Variants in VAV2 observed in about 807,000 individuals in gnomAD.
VAV2 encodes guanine nucleotide exchange factor VAV2.
Under a neutral mutation model 132.5 loss-of-function variants are expected in VAV2, and 67 were observed. The ratio of observed to expected loss-of-function variants is 0.51; its 90% CI spans 0.42 to 0.62. VAV2 has a LOEUF of 0.62. VAV2 is among the 20% of genes least tolerant of loss of function. VAV2 has a pLI of 0.00. For missense variants in VAV2, 938 were observed against 1,153.6 expected (o/e 0.81, Z 2.71); for synonymous variants, 492 against 443.5 (o/e 1.11, Z -1.37).
intron 2 of VAV2, among the ~76,000 whole-genome samples, chr9:133,893,572 C>A (rs1839070194): frequency 6.6e-6 from 1 of 152,216 alleles, no homozygotes; most frequent in African/African-American, 2.4e-5. Context: ...GACACCCACT[C>A]CGGCCAGCTC....
intron 1 of VAV2, among the ~76,000 whole-genome samples, chr9:133,958,692 C>G (rs973827618): frequency 6.6e-6 from 1 of 152,162 alleles, no homozygotes; most frequent in Admixed American, 6.5e-5. Context: ...GTCTCTCGTT[C>G]CACCTTACGA....
At chr9:133,956,574 T>C (rs927540297) in intron 1 of VAV2, among the ~76,000 whole-genome samples, 1 of 152,216 alleles carries the variant, frequency 6.6e-6, no homozygotes, top group Non-Finnish European at 1.5e-5. Context: ...TGGGAATGTA[T>C]AAAAAGCACG....
At chr9:133,872,911 T>C (rs1838116715) in intron 2 of VAV2, among the ~76,000 whole-genome samples, 1 of 152,024 alleles carries the variant, frequency 6.6e-6, no homozygotes, top group African/African-American at 2.4e-5. Flanking sequence ...CTAGAAGTTC[T>C]AGACCAGCCT....
chr9:133,783,806 C>T (rs747592265), intron 18 of VAV2, among the ~76,000 whole-genome samples: 19 of 151,886 alleles, frequency 1.3e-4, no homozygotes, highest in Non-Finnish European at 2.5e-4. Context: ...CCCTGCCCCA[C>T]ACAGCATCCC....
chr9:133,778,523 C>T (rs575367731), intron 22 of VAV2, among the ~76,000 whole-genome samples: 2 of 152,314 alleles, frequency 1.3e-5, no homozygotes, highest in Non-Finnish European at 2.9e-5. Context: ...CATCGCCTAC[C>T]ATGTCAAAGC....
chr9:133,848,279 CAAAAAAAAAAAA>C (rs34908811), intron 3 of VAV2, among the ~76,000 whole-genome samples: 5 of 48,628 alleles, frequency 1.0e-4, no homozygotes, highest in East Asian at 1.5e-3. Flanking sequence ...GACTCCGTCT[CAAAAAAAAAAAA>C]AAAAAAAAAA....
rs1032952957 is a variant in VAV2, at chr9:133,991,443, G to C, written c.204+632C>G. Among the ~76,000 whole-genome samples, 9 of 150,572 alleles carry C rather than the reference G, an allele frequency of 6.0e-5. No homozygotes were observed. The highest frequency in any genetic ancestry group is 5.9e-4 in the Admixed American group (9 of 15,224). On this transcript the variant is annotated intron_variant, in intron 1 of 29. Transcript: ENST00000371850. The surrounding 1 kb of genome is among the most constrained non-coding windows in gnomAD (Gnocchi z 4.8). ...GAAAGCGATGGGGGCCAGGACTGGG[G>C]CCAAGTGGCCCTGGGGATCCTCGAG...
Position 133,788,619 on chromosome 9 carries a change from A to AGCATTAGCCTGGTGAG in VAV2, c.1275-134_1275-133insCTCACCAGGCTAATGC. On this transcript the variant is annotated intron_variant, in intron 14 of 29. Coordinates refer to ENST00000371850, the MANE Select transcript of VAV2 (RefSeq NM_001134398.2). The surrounding 1 kb of genome is among the most constrained non-coding windows in gnomAD (Gnocchi z 5.3). ...GGCGAGCCCTGCCCTCACCTGGCTC[A>AGCATTAGCCTGGTGAG]CCAGGCTAATGCTGAGCCTCGGTCA... 1 of 1,300,730 alleles carries AGCATTAGCCTGGTGAG rather than the reference A, an allele frequency of 7.7e-7. No homozygotes were observed. Among genetic ancestry groups the AGCATTAGCCTGGTGAG allele is most frequent in the Non-Finnish European group, 1.0e-6 (1 of 957,992 alleles). The allele number at this position is 1,300,730 out of a possible 1,614,324, so 80.6% of individuals were successfully genotyped here. A position where few individuals can be genotyped will look rare whatever the true frequency, so the allele number is the denominator to read the frequency against.
At chr9:133,970,983 G>GA (rs1432429998) in intron 1 of VAV2, among the ~76,000 whole-genome samples, 1 of 152,242 alleles carries the variant, frequency 6.6e-6, no homozygotes, top group Non-Finnish European at 1.5e-5. Context: ...AATGGTGTGT[G>GA]AAAATTCTAT....
rs746191327 is a variant in VAV2 at position 133,804,066 on chromosome 9, C to T, written c.836+2015G>A. ...CTTGGTTCTCATCCATCCCACCCAGCGAGAGGCCAGTAGCTCTGTTCACTG... is the reference window on the plus strand; with the variant it reads ...CTTGGTTCTCATCCATCCCACCCAGTGAGAGGCCAGTAGCTCTGTTCACTG... On this transcript the variant is annotated intron_variant, in intron 9 of 29. Coordinates refer to ENST00000371850, the MANE Select transcript of VAV2 (RefSeq NM_001134398.2). This position sits in a 1 kb window ranked among gnomAD's most constrained non-coding sequence, Gnocchi z 4.5. Among the ~76,000 whole-genome samples the T allele has an allele frequency of 2.0e-5, 3 of 152,164 alleles. No homozygotes were observed. The highest frequency in any genetic ancestry group is 6.5e-5 in the Admixed American group (1 of 15,284).
chr9:133,915,823 C>CATG (rs1554808216), intron 2 of VAV2, among the ~76,000 whole-genome samples: 1 of 27,876 alleles, frequency 3.6e-5, no homozygotes, highest in Non-Finnish European at 2.8e-4. Context: ...TGCACTCACA[C>CATG]ACGCACACGT....
chr9:133,959,923 C>A (rs1841911994), intron 1 of VAV2, among the ~76,000 whole-genome samples: 1 of 152,178 alleles, frequency 6.6e-6, no homozygotes, highest in Non-Finnish European at 1.5e-5. Flanking sequence ...AGAATTCGGA[C>A]CTCTGGCCTC....
Position 133,794,306 on chromosome 9 carries a change from A to T in VAV2, c.1101+1362T>A, listed in dbSNP as rs1375099680. Among the ~76,000 whole-genome samples the T allele has an allele frequency of 6.6e-6, 1 of 151,640 alleles. No homozygotes were observed. The highest frequency in any genetic ancestry group is 1.5e-5 in the Non-Finnish European group (1 of 67,934). On this transcript the variant is annotated intron_variant, in intron 12 of 29. Transcript: ENST00000371850. The surrounding 1 kb of genome is among the most constrained non-coding windows in gnomAD (Gnocchi z 4.6). ...AGTTCTGTCAGCCCGTCATGGCAGG[A>T]GGCTTTCCTGGAGCATTCCTCAGGG... is the stretch of plus-strand genomic sequence containing the variant.
intron 15 of VAV2, 112 bp from the exon 16 acceptor site, chr9:133,787,372 C>A (rs1467614338): frequency 8.2e-7 from 1 of 1,220,756 alleles, no homozygotes. Flanking sequence ...AGGTGGAACA[C>A]CCCCCAGTGC....
chr9:133,783,658 T>TCAAG (rs1304188715), intron 18 of VAV2, 67 bp from the exon 19 acceptor site: 1 of 1,471,794 alleles, frequency 6.8e-7, no homozygotes, highest in African/African-American at 1.4e-5. Context: ...TCTGCCAAGG[T>TCAAG]CAAGGCCCTT....
chr9:133,923,603 A>G (rs1216278000), intron 2 of VAV2, among the ~76,000 whole-genome samples: 1 of 152,234 alleles, frequency 6.6e-6, no homozygotes, highest in Non-Finnish European at 1.5e-5. Context: ...AGGATCTAGA[A>G]CTAGAAATAC....
At position 133,804,185 on chromosome 9, in the gene VAV2, G is replaced by A. The variant is rs147043933; in HGVS notation, c.836+1896C>T. On this transcript the variant is annotated intron_variant, in intron 9 of 29. Coordinates refer to ENST00000371850, the MANE Select transcript of VAV2 (RefSeq NM_001134398.2). This position sits in a 1 kb window ranked among gnomAD's most constrained non-coding sequence, Gnocchi z 4.5. The stretch of plus-strand genomic sequence containing the variant: ...AGCAAGCAAGAACCAGGACCTTGGG[G>A]CCGAATCCGAAATGAGAGGAAAGGG... 7.7e-3 allele frequency among the ~76,000 whole-genome samples: 1,178 copies of A among 152,324 alleles called. 26 individuals carry two copies. The highest frequency in any genetic ancestry group is 0.043 in the Admixed American group (663 of 15,304).
At position 133,784,830 on chromosome 9, in the gene VAV2, A is replaced by C. The variant is rs574559440; in HGVS notation, c.1533-412T>G. 2.0e-5 allele frequency among the ~76,000 whole-genome samples: 3 copies of C among 152,268 alleles called. No individual in the cohort carries two copies. The South Asian group carries it at 6.2e-4, about 32-fold the overall frequency. Reference sequence around the variant, plus strand: ...CCCCTGAGGTACTCAGGGGGGCTGCACTGGTGTGCAATTCACTTTGACACA... The same window carrying C: ...CCCCTGAGGTACTCAGGGGGGCTGCCCTGGTGTGCAATTCACTTTGACACA... On this transcript the variant is annotated intron_variant, in intron 17 of 29. Coordinates refer to ENST00000371850, the MANE Select transcript of VAV2 (RefSeq NM_001134398.2).
At chr9:133,791,431 G>A (rs2131619797) in intron 13 of VAV2, among the ~76,000 whole-genome samples, 1 of 152,270 alleles carries the variant, frequency 6.6e-6, no homozygotes, top group African/African-American at 2.4e-5. Flanking sequence ...TCCTGCCCCT[G>A]GGAGACACAG....
Sources: gnomAD v4.1 joint callset for allele counts (sites outside exome capture counted in the v4.1 genomes callset) on GRCh38, gnomAD v4.1.1 for gene constraint, Gnocchi (gnomAD v3.1) non-coding constraint, MANE v1.5 for transcripts, NCBI Gene and HGNC (gene_info 2026-07-23, HGNC 2026-07-21) for gene names.